Variants in OR6N1 observed in about 807,000 individuals in gnomAD.
The protein encoded by OR6N1 is olfactory receptor family 6 subfamily N member 1.
For missense variants in OR6N1, 394 were observed against 371.7 expected (o/e 1.06, Z -0.49); for synonymous variants, 170 against 150.7 (o/e 1.13, Z -0.94).
At chr1:158,766,754 C>G in intron 1 of OR6N1, 54 bp from the exon 2 acceptor site, 1 of 1,125,680 alleles carries the variant, frequency 8.9e-7, no homozygotes, top group Non-Finnish European at 1.2e-6. Context: ...AGGGTTCTAA[C>G]AAGAAGGCAA....
chr1:158,839,712 G>A, the OR6N1 span, among the ~76,000 whole-genome samples: 1 of 152,118 alleles, frequency 6.6e-6, no homozygotes, highest in Admixed American at 6.5e-5. Flanking sequence ...GTTAAACAGG[G>A]ACAAAGAAAA....
At chr1:158,813,273 G>C in the OR6N1 span, among the ~76,000 whole-genome samples, 1 of 152,138 alleles carries the variant, frequency 6.6e-6, no homozygotes, top group Non-Finnish European at 1.5e-5. Context: ...TTATCCTGCA[G>C]ATGTGTATAC....
At chr1:158,781,567 A>G in the OR6N1 span, among the ~76,000 whole-genome samples, 2 of 152,216 alleles carry the variant, frequency 1.3e-5, no homozygotes, top group South Asian at 2.1e-4. Flanking sequence ...CACTCTTCTC[A>G]TAAACACATG....
Position 158,766,333 on chromosome 1 carries a change from G to A in OR6N1, c.350C>T (p.Ala117Val), listed in dbSNP as rs1488715776. 1 of 1,614,114 alleles carries A rather than the reference G, an allele frequency of 6.2e-7. No individual in the cohort carries two copies. Among genetic ancestry groups the A allele is most frequent in the Middle Eastern group, 1.6e-4 (1 of 6,062 alleles). ...GGCTAAATACCTATCGTAGGCCATA[G>A]CTGTCAGGAGATAGCACTCAGTCGC... Reference protein sequence around the residue: ...LGATECYLLTAMAYDRYLAIC... With the variant: ...LGATECYLLTVMAYDRYLAIC... Residue 117 changes from alanine (A) to valine (V), a missense_variant, in exon 2 of 2, where the codon GCT becomes GTT. Ala to Val is a moderately conservative substitution (Grantham distance 64). Coordinates refer to ENST00000641846, the MANE Select transcript of OR6N1 (RefSeq NM_001005185.2).
chr1:158,768,031 G>A (rs917573054), intron 1 of OR6N1, among the ~76,000 whole-genome samples: 5 of 151,854 alleles, frequency 3.3e-5, no homozygotes, highest in East Asian at 3.9e-4. Context: ...CTTGATTCTC[G>A]GGGTACTATA....
At chr1:158,807,123 G>A in the OR6N1 span, among the ~76,000 whole-genome samples, 1 of 152,086 alleles carries the variant, frequency 6.6e-6, no homozygotes, top group Admixed American at 6.5e-5. Flanking sequence ...GAATGAGGCT[G>A]AGGAGGGTAA....
chr1:158,802,199 C>A, the OR6N1 span, among the ~76,000 whole-genome samples: 7 of 105,206 alleles, frequency 6.7e-5, no homozygotes, highest in Admixed American at 1.1e-4. Context: ...CCTCATAGCA[C>A]TTTTTTTTTT....
At chr1:158,827,290 A>G in the OR6N1 span, among the ~76,000 whole-genome samples, 1 of 152,230 alleles carries the variant, frequency 6.6e-6, no homozygotes, top group African/African-American at 2.4e-5. Context: ...TCCTTTGCCT[A>G]GCAAAGAAAA....
the OR6N1 span, among the ~76,000 whole-genome samples, chr1:158,790,457 T>G: frequency 6.8e-6 from 1 of 147,266 alleles, no homozygotes; most frequent in East Asian, 2.0e-4. Flanking sequence ...CTGGATGGAG[T>G]GCAGTGGCGC....
the OR6N1 span, among the ~76,000 whole-genome samples, chr1:158,777,901 C>T: frequency 0.011 from 1,608 of 152,216 alleles, 29 homozygotes; most frequent in African/African-American, 0.036. Flanking sequence ...CATTGTTCTG[C>T]CTATTTTGCA....
the OR6N1 span, among the ~76,000 whole-genome samples, chr1:158,794,798 C>T: frequency 6.6e-6 from 1 of 152,142 alleles, no homozygotes; most frequent in African/African-American, 2.4e-5. Flanking sequence ...TATTTTGCCT[C>T]CAGATGTTGT....
chr1:158,805,559 C>T, the OR6N1 span, among the ~76,000 whole-genome samples: 3 of 152,092 alleles, frequency 2.0e-5, no homozygotes, highest in Non-Finnish European at 4.4e-5. Flanking sequence ...GGGGCAAGGA[C>T]TCAGTAACTC....
chr1:158,829,615 T>C, the OR6N1 span, among the ~76,000 whole-genome samples: 1 of 152,188 alleles, frequency 6.6e-6, no homozygotes, highest in African/African-American at 2.4e-5. Context: ...CCACATTTTC[T>C]TGTCTTCTTC....
rs1657229183 is a variant in OR6N1, at chr1:158,765,616, G to C, written c.*128C>G. ...TCGCTATAACACTGGAAGTCAGTCAGCACTTGCTGCAGCTCCACCACCCCA... is the reference window on the plus strand; with the variant it reads ...TCGCTATAACACTGGAAGTCAGTCACCACTTGCTGCAGCTCCACCACCCCA... On this transcript the variant is annotated 3_prime_UTR_variant, in exon 2 of 2. Transcript: ENST00000641846. 3.9e-6 allele frequency: 3 copies of C among 767,220 alleles called. No homozygotes were observed. The highest frequency in any genetic ancestry group is 6.4e-6 in the Non-Finnish European group (3 of 466,428). The allele number at this position is 767,220 out of a possible 1,614,324, so 47.5% of individuals were successfully genotyped here. A position where few individuals can be genotyped will look rare whatever the true frequency, so the allele number is the denominator to read the frequency against.
the OR6N1 span, among the ~76,000 whole-genome samples, chr1:158,792,513 T>C: frequency 6.6e-6 from 1 of 152,240 alleles, no homozygotes; most frequent in African/African-American, 2.4e-5. Context: ...CTGATGTGTA[T>C]TAACCTTTTT....
At chr1:158,815,279 T>A in the OR6N1 span, among the ~76,000 whole-genome samples, 15 of 152,176 alleles carry the variant, frequency 9.9e-5, no homozygotes, top group African/African-American at 3.6e-4. Flanking sequence ...TGCCATGAGT[T>A]GTTATATAAC....
chr1:158,796,798 ATTAT>A, the OR6N1 span, among the ~76,000 whole-genome samples: 1 of 151,364 alleles, frequency 6.6e-6, no homozygotes, highest in Non-Finnish European at 1.5e-5. Context: ...AAATTGAAAA[ATTAT>A]TTATTCCAGT....
At chr1:158,787,703 A>C in the OR6N1 span, among the ~76,000 whole-genome samples, 2 of 151,724 alleles carry the variant, frequency 1.3e-5, no homozygotes, top group African/African-American at 4.9e-5. Context: ...TTTATTTTGA[A>C]TAGTATTTCT....
upstream of OR6N1, chr1:158,774,418 A>C (rs1657527280): frequency 6.6e-6 from 1 of 152,180 alleles, no homozygotes; most frequent in Admixed American, 6.5e-5. Flanking sequence ...GAGAAACAGA[A>C]GCCTGGGGTT....
Sources: gnomAD v4.1 joint callset for allele counts (sites outside exome capture counted in the v4.1 genomes callset) on GRCh38, gnomAD v4.1.1 for gene constraint, MANE v1.5 for transcripts, NCBI Gene and HGNC (gene_info 2026-07-23, HGNC 2026-07-21) for gene names.